The following ITGBL1 variants were observed in gnomAD, a reference collection of about 807,000 sequenced individuals.
ITGBL1 encodes the protein integrin subunit beta like 1.
In ITGBL1, 51 loss-of-function variants were observed where a neutral mutation model predicts 68.5. The ratio of observed to expected loss-of-function variants is 0.74; its 90% CI spans 0.59 to 0.94. ITGBL1 has a LOEUF of 0.94. Among genes scored for constraint, ITGBL1 ranks in the 40% least tolerant of loss-of-function variants. ITGBL1 has a pLI of 0.00. For missense variants in ITGBL1, 649 were observed against 647.4 expected (o/e 1.00, Z -0.03); for synonymous variants, 209 against 227.3 (o/e 0.92, Z 0.72).
chr13:101,456,820 C>T (rs2048249969), intron 2 of ITGBL1, among the ~76,000 whole-genome samples: 1 of 152,130 alleles, frequency 6.6e-6, no homozygotes, highest in Non-Finnish European at 1.5e-5. Context: ...AAGGCTGAGG[C>T]AGGAGAATCG....
chr13:101,461,498 G>A (rs894050978), intron 2 of ITGBL1, among the ~76,000 whole-genome samples: 3 of 152,118 alleles, frequency 2.0e-5, no homozygotes, highest in East Asian at 1.9e-4. Context: ...GTTTGAGACC[G>A]GCCTGGGCAG....
In ITGBL1 at chr13:101,715,952, A is replaced by G; in HGVS notation, c.*298A>G. ...ATCTACAGACAATTTTGATTGTCAC[A>G]CTGGGTCGGGTAGGAAGGTATGCTG... On this transcript the variant is annotated 3_prime_UTR_variant, in exon 11 of 11. Coordinates refer to ENST00000376180, the MANE Select transcript of ITGBL1 (RefSeq NM_004791.3). 1 of 326,706 alleles carries G rather than the reference A, an allele frequency of 3.1e-6. No homozygotes were observed. The highest frequency in any genetic ancestry group is 5.8e-6 in the Non-Finnish European group (1 of 172,262). The allele number at this position is 326,706 out of a possible 1,614,324, so 20.2% of individuals were successfully genotyped here.
chr13:101,563,051 ATATTT>A (rs2050125993), intron 2 of ITGBL1, among the ~76,000 whole-genome samples: 1 of 151,546 alleles, frequency 6.6e-6, no homozygotes, highest in African/African-American at 2.4e-5. Context: ...GATATTAAAA[ATATTT>A]TAATGAATGA....
At chr13:101,513,364 C>G (rs999597083) in intron 2 of ITGBL1, among the ~76,000 whole-genome samples, 1 of 151,974 alleles carries the variant, frequency 6.6e-6, no homozygotes, top group Non-Finnish European at 1.5e-5. Flanking sequence ...AAGGCAGGTA[C>G]ACAGTAAGAC....
chr13:101,543,991 G>C (rs2049765926), intron 2 of ITGBL1, among the ~76,000 whole-genome samples: 1 of 152,090 alleles, frequency 6.6e-6, no homozygotes. Context: ...CTTTGCCATG[G>C]GTTCGAACTT....
intron 6 of ITGBL1, among the ~76,000 whole-genome samples, chr13:101,589,842 G>A (rs370226466): frequency 6.6e-5 from 10 of 152,176 alleles, no homozygotes; most frequent in East Asian, 3.8e-4. Flanking sequence ...GCATGATCCT[G>A]GAGAATGTTC....
Position 101,707,544 on chromosome 13 carries a change from A to C in ITGBL1, c.1279+642A>C, listed in dbSNP as rs181361079. On this transcript the variant is annotated intron_variant, in intron 9 of 10. Coordinates refer to ENST00000376180, the MANE Select transcript of ITGBL1 (RefSeq NM_004791.3). ...AACATGTGCAGCCTGATATAAGAAAATAGGTAATTGTTCGGTTGGGCACCG... is the reference window on the plus strand; with the variant it reads ...AACATGTGCAGCCTGATATAAGAAACTAGGTAATTGTTCGGTTGGGCACCG... Among the ~76,000 whole-genome samples the C allele has an allele frequency of 6.3e-4, 96 of 152,332 alleles. 1 individual carries two copies. The highest frequency in any genetic ancestry group is 3.4e-3 in the Middle Eastern group (1 of 294).
chr13:101,578,087 T>C (rs1479485605), intron 4 of ITGBL1, among the ~76,000 whole-genome samples: 1 of 152,198 alleles, frequency 6.6e-6, no homozygotes, highest in Non-Finnish European at 1.5e-5. Flanking sequence ...GTCTCTCAGA[T>C]GTGTATCTTC....
At chr13:101,495,948 A>C (rs1372833077) in intron 2 of ITGBL1, among the ~76,000 whole-genome samples, 1 of 152,168 alleles carries the variant, frequency 6.6e-6, no homozygotes, top group South Asian at 2.1e-4. Flanking sequence ...ATATTTCATA[A>C]TATAGTGAAA....
At chr13:101,485,302 G>C (rs2048685569) in intron 2 of ITGBL1, among the ~76,000 whole-genome samples, 1 of 152,054 alleles carries the variant, frequency 6.6e-6, no homozygotes, top group African/African-American at 2.4e-5. Context: ...TAATTACATG[G>C]GTAAATATAT....
chr13:101,695,777 C>T (rs2033987555), intron 8 of ITGBL1, among the ~76,000 whole-genome samples: 1 of 152,200 alleles, frequency 6.6e-6, no homozygotes, highest in Non-Finnish European at 1.5e-5. Context: ...AGCTCTGGTT[C>T]CCTGGCAACA....
At chr13:101,623,988 C>G (rs890690025) in intron 7 of ITGBL1, among the ~76,000 whole-genome samples, 1 of 152,148 alleles carries the variant, frequency 6.6e-6, no homozygotes, top group Non-Finnish European at 1.5e-5. Flanking sequence ...CATCTCCCCC[C>G]ACCCAGTTTA....
intron 5 of ITGBL1, among the ~76,000 whole-genome samples, chr13:101,580,763 G>A (rs541326308): frequency 2.6e-5 from 4 of 152,150 alleles, no homozygotes; most frequent in African/African-American, 9.7e-5. Flanking sequence ...AGAGAGAGGT[G>A]GAAAATGGAA....
chr13:101,488,019 G>A lies in ITGBL1; in HGVS notation c.316+33919G>A, dbSNP rs549162928. Among the ~76,000 whole-genome samples, 8 of 152,318 alleles carry A rather than the reference G, an allele frequency of 5.3e-5. No homozygotes were observed. The East Asian group carries it at 7.7e-4, about 15-fold the overall frequency. On this transcript the variant is annotated intron_variant, in intron 2 of 10. Transcript: ENST00000376180. ...GATGGTAAGAATGCTGGGCTTCGGA[G>A]GAGGAGATCAAATGGGCCTCCCTCA...
intron 7 of ITGBL1, among the ~76,000 whole-genome samples, chr13:101,645,017 A>G (rs1191969660): frequency 2.0e-5 from 3 of 152,186 alleles, no homozygotes. Flanking sequence ...ACTCAGGAAT[A>G]ATTTTTGACT....
At chr13:101,637,623 G>C (rs866536532) in intron 7 of ITGBL1, among the ~76,000 whole-genome samples, 1 of 152,106 alleles carries the variant, frequency 6.6e-6, no homozygotes, top group African/African-American at 2.4e-5. Context: ...GATTACAGGC[G>C]TGAGCCACCA....
At chr13:101,600,960 G>A (rs1050634900) in intron 7 of ITGBL1, among the ~76,000 whole-genome samples, 1 of 152,190 alleles carries the variant, frequency 6.6e-6, no homozygotes, top group African/African-American at 2.4e-5. Flanking sequence ...CATAAAATGA[G>A]TTAGGGAGGA....
chr13:101,555,578 G>T (rs2049991253), intron 2 of ITGBL1, among the ~76,000 whole-genome samples: 1 of 152,002 alleles, frequency 6.6e-6, no homozygotes, highest in African/African-American at 2.4e-5. Flanking sequence ...GTGGCGTTTA[G>T]GAATCTTAAA....
At chr13:101,681,079 T>A (rs2033629036) in intron 7 of ITGBL1, among the ~76,000 whole-genome samples, 1 of 152,190 alleles carries the variant, frequency 6.6e-6, no homozygotes, top group Admixed American at 6.5e-5. Flanking sequence ...GCATGATACT[T>A]ACCCCACAGT....
Sources: gnomAD v4.1 joint callset for allele counts (sites outside exome capture counted in the v4.1 genomes callset) on GRCh38, gnomAD v4.1.1 for gene constraint, MANE v1.5 for transcripts, NCBI Gene and HGNC (gene_info 2026-07-23, HGNC 2026-07-21) for gene names.